The following RUFY4 variants were observed in gnomAD, a reference collection of about 807,000 sequenced individuals.
RUFY4 encodes RUN and FYVE domain-containing protein 4.
In RUFY4, 73 loss-of-function variants were observed where a neutral mutation model predicts 69.0. The observed-to-expected ratio is 1.06, with a 90% CI of 0.88 to 1.29. The LOEUF (loss-of-function observed/expected upper bound fraction) is 1.29, where lower values mean the gene tolerates loss of function less well. Among genes scored for constraint, RUFY4 ranks in the 50% most tolerant of loss-of-function variants. The pLI, the probability that RUFY4 is intolerant of heterozygous loss-of-function variation, is 0.00. For synonymous variants in RUFY4, 287 were observed against 271.8 expected, an observed-to-expected ratio of 1.06 and a Z score of -0.55; for missense variants, 770 against 705.6, an observed-to-expected ratio of 1.09 and a Z score of -1.03.
exon 7 of RUFY4, chr2:218,075,151 A>T: frequency 6.4e-7 from 1 of 1,554,826 alleles, no homozygotes. Context: ...CACACCAGTC[A>T]AGCCATCTGT....
At chr2:218,049,973 A>G (rs972550118) in intron 2 of RUFY4, among the ~76,000 whole-genome samples, 7 of 152,202 alleles carry the variant, frequency 4.6e-5, no homozygotes, top group Admixed American at 3.9e-4. Context: ...CAAATCAAGG[A>G]CAGTTTAAAG....
At chr2:218,088,455 C>CA (rs112643399) in intron 9 of RUFY4, among the ~76,000 whole-genome samples, 1,362 of 88,060 alleles carry the variant, frequency 0.015, 11 homozygotes, top group Middle Eastern at 0.035. Flanking sequence ...GAGATGCTGT[C>CA]AAAAAAAAAA....
At chr2:218,090,338 G>A (rs1574522872) in exon 11 of RUFY4, 6 of 318,068 alleles carry the variant, frequency 1.9e-5, no homozygotes, top group South Asian at 1.6e-4. Context: ...AGTCCCTCTG[G>A]GCTCAGCAAA....
chr2:218,073,731 G>A, intron 5 of RUFY4, 85 bp from the exon 8 acceptor site: 1 of 1,452,388 alleles, frequency 6.9e-7, no homozygotes, highest in Non-Finnish European at 9.6e-7. Context: ...GAATGCGCTA[G>A]TGGAAAGATG....
Position 218,088,283 on chromosome 2 carries a change from G to T in RUFY4, c.1503-969G>T, listed in dbSNP as rs114803873. Reference sequence around the variant, plus strand: ...TTGAGGCAGGGTTCAAGACCAGTCTGGGCAACATGTCGAAACCCCATCCCT... The same window carrying T: ...TTGAGGCAGGGTTCAAGACCAGTCTTGGCAACATGTCGAAACCCCATCCCT... On this transcript the variant is annotated intron_variant, in intron 9 of 10. Transcript: ENST00000344321. Among the ~76,000 whole-genome samples the T allele has an allele frequency of 1.7e-3, 262 of 151,990 alleles. 1 individual carries two copies. The highest frequency in any genetic ancestry group is 6.1e-3 in the African/African-American group (251 of 41,440).
upstream of RUFY4, among the ~76,000 whole-genome samples, chr2:218,069,971 C>T (rs1447912899): frequency 3.3e-5 from 5 of 152,242 alleles, no homozygotes; most frequent in Non-Finnish European, 7.4e-5. Flanking sequence ...TGTGCTCAGC[C>T]CCAGCCCTGG....
upstream of RUFY4, among the ~76,000 whole-genome samples, chr2:218,066,177 C>CTTTT (rs58665951): frequency 4.5e-3 from 330 of 73,944 alleles, no homozygotes; most frequent in Non-Finnish European, 5.5e-3. Flanking sequence ...CTTTTCTTTT[C>CTTTT]TTTTTTTTTT....
upstream of RUFY4, among the ~76,000 whole-genome samples, chr2:218,067,097 C>T (rs1306513193): frequency 1.3e-5 from 2 of 152,228 alleles, no homozygotes; most frequent in Admixed American, 6.5e-5. Context: ...TCAACTTCCT[C>T]CCGCTCTTTA....
At chr2:218,065,877 G>A (rs1689312387), upstream of RUFY4, 1 of 152,538 alleles carries the variant, frequency 6.6e-6, no homozygotes, top group Non-Finnish European at 1.5e-5. Flanking sequence ...AGCCGGCTCT[G>A]GCCAGGCCGT....
chr2:218,042,798 GA>G (rs1267665673), intron 2 of RUFY4, among the ~76,000 whole-genome samples: 1 of 151,940 alleles, frequency 6.6e-6, no homozygotes, highest in Non-Finnish European at 1.5e-5. Flanking sequence ...AGTTTATAGG[GA>G]GATAAAACTT....
upstream of RUFY4, chr2:218,070,236 C>A (rs963370425): frequency 4.3e-5 from 13 of 302,334 alleles, no homozygotes; most frequent in Admixed American, 3.3e-4. Flanking sequence ...TCCTGGGTAC[C>A]TCTGTGATGC....
At chr2:218,047,642 C>G (rs1358424542) in intron 2 of RUFY4, among the ~76,000 whole-genome samples, 1 of 151,614 alleles carries the variant, frequency 6.6e-6, no homozygotes. Context: ...AATTCTTTAC[C>G]CTTAGTAGCC....
chr2:218,090,283 A>G, exon 11 of RUFY4: 1 of 353,942 alleles, frequency 2.8e-6, no homozygotes, highest in East Asian at 7.4e-5. Context: ...CTCAGTGCTC[A>G]GGGCTTCTTC....
chr2:218,050,807 A>G (rs1221791967), intron 2 of RUFY4, among the ~76,000 whole-genome samples: 3 of 152,244 alleles, frequency 2.0e-5, no homozygotes, highest in Non-Finnish European at 2.9e-5. Context: ...TATATCAAAC[A>G]CAATTTAACC....
chr2:218,076,967 C>T (rs935599728), intron 8 of RUFY4, among the ~76,000 whole-genome samples: 1 of 152,222 alleles, frequency 6.6e-6, no homozygotes, highest in South Asian at 2.1e-4. Flanking sequence ...CCACCTCTCA[C>T]CCTCTCATAA....
chr2:218,083,392 G>A, intron 9 of RUFY4, 136 bp downstream of exon 11: 2 of 1,174,346 alleles, frequency 1.7e-6, no homozygotes, highest in Non-Finnish European at 1.2e-6. Context: ...TAACCCTTCT[G>A]TTTCTTTTAG....
chr2:218,080,124 C>G (rs1034726061), intron 8 of RUFY4, among the ~76,000 whole-genome samples: 1 of 152,140 alleles, frequency 6.6e-6, no homozygotes, highest in African/African-American at 2.4e-5. Context: ...CAGATGCATA[C>G]GGGGTGTGGC....
At chr2:218,074,423 G>A (rs946274701) in intron 6 of RUFY4, among the ~76,000 whole-genome samples, 3 of 152,070 alleles carry the variant, frequency 2.0e-5, no homozygotes, top group African/African-American at 4.8e-5. Flanking sequence ...CACGCTCCCC[G>A]CATGACAGTG....
chr2:218,064,889 C>CT (rs920770606), upstream of RUFY4, among the ~76,000 whole-genome samples: 4 of 152,124 alleles, frequency 2.6e-5, no homozygotes, highest in African/African-American at 9.7e-5. Flanking sequence ...ATCCCCTCCC[C>CT]TGCAGGGAGC....
Sources: gnomAD v4.1 joint callset for allele counts (sites outside exome capture counted in the v4.1 genomes callset) on GRCh38, gnomAD v4.1.1 for gene constraint, MANE v1.5 for transcripts, NCBI Gene and HGNC (gene_info 2026-07-23, HGNC 2026-07-21) for gene names.